Variants in UBE2V2 observed in about 807,000 individuals in gnomAD.
The protein encoded by UBE2V2 is ubiquitin-conjugating enzyme E2 variant 2.
In UBE2V2, 9 loss-of-function variants were observed where a neutral mutation model predicts 17.2. The ratio of observed to expected loss-of-function variants is 0.52; its 90% CI spans 0.32 to 0.91. The LOEUF (loss-of-function observed/expected upper bound fraction) is 0.91, where lower values mean the gene tolerates loss of function less well. Among genes scored for constraint, UBE2V2 ranks in the 40% least tolerant of loss-of-function variants. The pLI is 0.04. For missense variants in UBE2V2, 133 were observed against 182.6 expected, an observed-to-expected ratio of 0.73 and a Z score of 1.56; for synonymous variants, 61 against 57.5, an observed-to-expected ratio of 1.06 and a Z score of -0.28.
At chr8:48,033,729 A>G (rs1441879468) in intron 1 of UBE2V2, among the ~76,000 whole-genome samples, 1 of 151,974 alleles carries the variant, frequency 6.6e-6, no homozygotes, top group Non-Finnish European at 1.5e-5. Context: ...AGGCCGAGGC[A>G]GGCTGATCAC....
chr8:48,018,345 C>T (rs2091283592), intron 1 of UBE2V2, among the ~76,000 whole-genome samples: 1 of 152,082 alleles, frequency 6.6e-6, no homozygotes, highest in Admixed American at 6.6e-5. Context: ...GCTTTGTATG[C>T]TGTGTGTTTC....
At chr8:48,006,624 G>A (rs1589845428), upstream of UBE2V2, among the ~76,000 whole-genome samples, 1 of 152,010 alleles carries the variant, frequency 6.6e-6, no homozygotes, top group African/African-American at 2.4e-5. Flanking sequence ...TGGGATGCAA[G>A]GCTGCTTCAA....
chr8:48,050,562 T>C (rs185362172), intron 3 of UBE2V2: 2 of 152,146 alleles, frequency 1.3e-5, no homozygotes, highest in African/African-American at 4.8e-5. Flanking sequence ...ATTGCCTTAA[T>C]AGTCATATTT....
intron 1 of UBE2V2, 118 bp from the exon 2 acceptor site, chr8:48,042,915 G>T (rs1422838205): frequency 1.9e-6 from 2 of 1,058,496 alleles, no homozygotes; most frequent in Admixed American, 3.4e-5. Context: ...TTTTAAAGGG[G>T]ATTTGGTCTT....
Position 48,043,044 on chromosome 8 carries a change from C to T in UBE2V2, c.28C>T (p.Pro10Ser). 6.4e-7 allele frequency: 1 copy of T among 1,564,930 alleles called. No homozygotes were observed. The highest frequency in any genetic ancestry group is 8.7e-7 in the Non-Finnish European group (1 of 1,154,192). MAVSTGVKV[P>S]RNFRLLEELE... ...GTTCTTTTGTATAGGAGTTAAAGTT[C>T]CTCGTAATTTTCGCTTGTTGGAAGA... The change falls in exon 2 of 4, where the codon CCT (proline) becomes TCT (serine). Residue 10 changes from proline (P) to serine (S), a missense_variant. Physicochemically the swap from Pro to Ser is moderately conservative, Grantham distance 74. Transcript: ENST00000523111.
At chr8:48,011,228 T>A (rs2091228849) in intron 1 of UBE2V2, among the ~76,000 whole-genome samples, 1 of 152,086 alleles carries the variant, frequency 6.6e-6, no homozygotes, top group African/African-American at 2.4e-5. Flanking sequence ...AGTGCAATGG[T>A]GCGATCTCGG....
chr8:48,028,692 G>T (rs1021817241), intron 1 of UBE2V2, among the ~76,000 whole-genome samples: 2 of 152,042 alleles, frequency 1.3e-5, no homozygotes, highest in Non-Finnish European at 2.9e-5. Context: ...CACCATGTTG[G>T]CCAGGCTTGT....
At chr8:48,036,188 C>G (rs1431091909) in intron 1 of UBE2V2, among the ~76,000 whole-genome samples, 1 of 151,386 alleles carries the variant, frequency 6.6e-6, no homozygotes, top group African/African-American at 2.4e-5. Flanking sequence ...CTCCTGGGCT[C>G]AAGCGATCCT....
chr8:48,030,270 T>C (rs978681306), intron 1 of UBE2V2, among the ~76,000 whole-genome samples: 2 of 152,232 alleles, frequency 1.3e-5, no homozygotes, highest in Non-Finnish European at 2.9e-5. Context: ...CAACATCTGC[T>C]GTCAGTTTAT....
intron 1 of UBE2V2, among the ~76,000 whole-genome samples, chr8:48,038,149 A>G (rs756132436): frequency 1.3e-5 from 2 of 152,182 alleles, no homozygotes; most frequent in Non-Finnish European, 2.9e-5. Flanking sequence ...AAAATACGTG[A>G]ATACACATAT....
chr8:48,062,835 T>C lies in UBE2V2; in HGVS notation c.*2007T>C, dbSNP rs1396641514. The C allele has an allele frequency of 6.6e-6, 1 of 152,158 alleles. No individual in the cohort carries two copies. Among genetic ancestry groups the C allele is most frequent in the Non-Finnish European group, 1.5e-5 (1 of 68,036 alleles). The allele number at this position is 152,158 out of a possible 1,614,324, so 9.4% of individuals were successfully genotyped here. ...GTTTAAAATGCTTTAAGATGACACA[T>C]AGAGAACATACACATACATACAAAT... On this transcript the variant is annotated 3_prime_UTR_variant, in exon 4 of 4. Coordinates refer to ENST00000523111, the MANE Select transcript of UBE2V2 (RefSeq NM_003350.3).
intron 1 of UBE2V2, among the ~76,000 whole-genome samples, chr8:48,025,701 G>A (rs1334935935): frequency 1.3e-5 from 2 of 151,698 alleles, no homozygotes; most frequent in African/African-American, 2.4e-5. Context: ...CTGGGTTCAC[G>A]CCATTCTCTT....
chr8:48,030,764 G>C (rs45565031), intron 1 of UBE2V2, among the ~76,000 whole-genome samples: 140 of 152,150 alleles, frequency 9.2e-4, no homozygotes, highest in African/African-American at 3.3e-3. Flanking sequence ...GCTCACTCCT[G>C]TAATCCCAGC....
intron 1 of UBE2V2, among the ~76,000 whole-genome samples, chr8:48,022,545 C>A (rs1478450671): frequency 1.3e-5 from 2 of 152,196 alleles, no homozygotes; most frequent in East Asian, 3.8e-4. Flanking sequence ...TCCACCATTA[C>A]AGTATTAGTG....
chr8:48,013,782 A>C (rs2091249158), intron 1 of UBE2V2, among the ~76,000 whole-genome samples: 1 of 152,330 alleles, frequency 6.6e-6, no homozygotes, highest in South Asian at 2.1e-4. Flanking sequence ...AATATAACCT[A>C]CTAATTGCCT....
intron 1 of UBE2V2, among the ~76,000 whole-genome samples, chr8:48,031,320 TA>T (rs1245617111): frequency 6.6e-6 from 1 of 152,244 alleles, no homozygotes; most frequent in Non-Finnish European, 1.5e-5. Flanking sequence ...TTTTCTGAAG[TA>T]AAACTACTAA....
In UBE2V2 at chr8:48,060,878, T is replaced by G; in HGVS notation, c.*50T>G. On this transcript the variant is annotated 3_prime_UTR_variant, in exon 4 of 4. Transcript: ENST00000523111. ...TAAATCAACAACCTTCTACTCATGT[T>G]AATGTCTTGATTAAATATCACAATG... 7.1e-7 allele frequency: 1 copy of G among 1,400,832 alleles called. No homozygotes were observed. Among genetic ancestry groups the G allele is most frequent in the Non-Finnish European group, 9.4e-7 (1 of 1,068,724 alleles). The allele number at this position is 1,400,832 out of a possible 1,614,324, so 86.8% of individuals were successfully genotyped here.
intron 3 of UBE2V2, among the ~76,000 whole-genome samples, chr8:48,052,320 T>G (rs1468931718): frequency 1.3e-5 from 2 of 152,222 alleles, no homozygotes; most frequent in East Asian, 3.8e-4. Context: ...CACTACTGTT[T>G]TGTTTTTACA....
chr8:48,013,562 G>T (rs1295505151), intron 1 of UBE2V2, among the ~76,000 whole-genome samples: 1 of 152,090 alleles, frequency 6.6e-6, no homozygotes, highest in Non-Finnish European at 1.5e-5. Flanking sequence ...ATCCGCCTCG[G>T]CCTCCCAAAG....
Sources: allele counts gnomAD v4.1 joint callset (sites outside exome capture counted in the v4.1 genomes callset), GRCh38; gene constraint gnomAD v4.1.1; transcripts MANE v1.5; gene names NCBI Gene and HGNC (gene_info 2026-07-23, HGNC 2026-07-21).